Variants in TRPM3 observed in about 807,000 individuals in gnomAD.
TRPM3 encodes long transient receptor potential channel 3.
Under a neutral mutation model 181.2 loss-of-function variants are expected in TRPM3, and 77 were observed. The ratio of observed to expected loss-of-function variants is 0.42; its 90% CI spans 0.35 to 0.51. The LOEUF (loss-of-function observed/expected upper bound fraction) is 0.51, where lower values mean the gene tolerates loss of function less well. TRPM3 is among the 20% of genes least tolerant of loss of function. The pLI, the probability that TRPM3 is intolerant of heterozygous loss-of-function variation, is 0.01. For synonymous variants in TRPM3, 745 were observed against 796.4 expected, an observed-to-expected ratio of 0.94 and a Z score of 1.09; for missense variants, 1,759 against 2,196.7, an observed-to-expected ratio of 0.80 and a Z score of 3.98.
At chr9:70,791,787 A>G (rs1350887545) in intron 6 of TRPM3, among the ~76,000 whole-genome samples, 1 of 152,210 alleles carries the variant, frequency 6.6e-6, no homozygotes, top group Non-Finnish European at 1.5e-5. Context: ...CTGAGAATGC[A>G]GAATATATTA....
At chr9:71,348,581 A>AT (rs972796328) in intron 1 of TRPM3, among the ~76,000 whole-genome samples, 2 of 145,902 alleles carry the variant, frequency 1.4e-5, no homozygotes, top group African/African-American at 5.1e-5. Context: ...TTTATTTTTT[A>AT]TTTTTTGAGA....
chr9:70,861,508 C>T (rs1241740034), intron 3 of TRPM3, among the ~76,000 whole-genome samples: 2 of 152,174 alleles, frequency 1.3e-5, no homozygotes, highest in African/African-American at 2.4e-5. Context: ...CTGGGTGTAC[C>T]ACTCTACAAT....
chr9:71,113,988 A>G (rs2071718493), intron 1 of TRPM3, among the ~76,000 whole-genome samples: 1 of 152,184 alleles, frequency 6.6e-6, no homozygotes. Context: ...TCTATCATAG[A>G]TAGTCTTGGA....
intron 9 of TRPM3, among the ~76,000 whole-genome samples, chr9:70,656,718 G>T (rs1271164554): frequency 6.6e-6 from 1 of 152,068 alleles, no homozygotes. Context: ...ATCTAAAGTT[G>T]TATTAAATTA....
intron 1 of TRPM3, among the ~76,000 whole-genome samples, chr9:71,347,698 C>A (rs976967676): frequency 3.3e-5 from 5 of 151,876 alleles, no homozygotes; most frequent in Admixed American, 1.3e-4. Context: ...TCGCTTGAGG[C>A]CAGGTGTTTG....
intron 25 of TRPM3, 97 bp downstream of exon 25, chr9:70,549,444 CA>C: frequency 7.0e-7 from 1 of 1,424,300 alleles, no homozygotes. Flanking sequence ...AAAACAAACA[CA>C]AAAGATCTCT....
At chr9:71,319,179 G>T (rs2088950087) in intron 1 of TRPM3, among the ~76,000 whole-genome samples, 1 of 152,096 alleles carries the variant, frequency 6.6e-6, no homozygotes, top group African/African-American at 2.4e-5. Flanking sequence ...CTTTGTAAGT[G>T]TATTAGTCAG....
chr9:70,740,846 G>A (rs529478485), intron 8 of TRPM3, among the ~76,000 whole-genome samples: 1 of 152,240 alleles, frequency 6.6e-6, no homozygotes, highest in Admixed American at 6.5e-5. Flanking sequence ...TCTCAGACCT[G>A]AAACCACAAC....
intron 1 of TRPM3, among the ~76,000 whole-genome samples, chr9:70,918,126 A>G (rs2096619947): frequency 6.6e-6 from 1 of 152,218 alleles, no homozygotes; most frequent in Non-Finnish European, 1.5e-5. Context: ...AGATATATAA[A>G]GCAATGATTA....
chr9:70,897,542 T>C (rs2096296041), intron 1 of TRPM3, among the ~76,000 whole-genome samples: 1 of 152,116 alleles, frequency 6.6e-6, no homozygotes, highest in African/African-American at 2.4e-5. Flanking sequence ...GAGGTTCTTT[T>C]ATTACATCAA....
At chr9:70,645,319 C>T (rs1197215374) in intron 9 of TRPM3, among the ~76,000 whole-genome samples, 1 of 152,134 alleles carries the variant, frequency 6.6e-6, no homozygotes, top group Admixed American at 6.5e-5. Context: ...TACTACAAGG[C>T]TACAGTAACC....
chr9:71,183,171 C>A (rs1022327030), intron 1 of TRPM3, among the ~76,000 whole-genome samples: 10 of 149,860 alleles, frequency 6.7e-5, no homozygotes, highest in East Asian at 3.9e-4. Flanking sequence ...GACTTAATAT[C>A]AAAAAAAAAT....
At chr9:71,137,957 T>C (rs2074867378) in intron 1 of TRPM3, among the ~76,000 whole-genome samples, 1 of 151,726 alleles carries the variant, frequency 6.6e-6, no homozygotes, top group African/African-American at 2.4e-5. Flanking sequence ...TCTCTAAAAA[T>C]GCAAAAATTA....
intron 1 of TRPM3, among the ~76,000 whole-genome samples, chr9:70,865,096 T>C (rs1449423691): frequency 6.6e-6 from 1 of 151,746 alleles, no homozygotes; most frequent in African/African-American, 2.4e-5. Context: ...GCTTTTATCA[T>C]AGTCCAAAAT....
intron 1 of TRPM3, among the ~76,000 whole-genome samples, chr9:71,332,296 CT>C (rs1023699671): frequency 6.6e-6 from 1 of 150,954 alleles, no homozygotes; most frequent in African/African-American, 2.4e-5. Flanking sequence ...AGAAATAATG[CT>C]TTTTTTGGAT....
chr9:70,540,473 C>A (rs1470890502), intron 25 of TRPM3, among the ~76,000 whole-genome samples: 1 of 152,166 alleles, frequency 6.6e-6, no homozygotes, highest in African/African-American at 2.4e-5. Flanking sequence ...TGACCTTCAG[C>A]CCCAGGATCC....
At chr9:71,271,585 G>A (rs1208391308) in intron 1 of TRPM3, among the ~76,000 whole-genome samples, 2 of 151,792 alleles carry the variant, frequency 1.3e-5, no homozygotes, top group East Asian at 3.9e-4. Flanking sequence ...GCAGAAGAGG[G>A]GAGTAAGGGG....
At chr9:71,193,092 A>C (rs1268740659) in intron 1 of TRPM3, among the ~76,000 whole-genome samples, 1 of 151,902 alleles carries the variant, frequency 6.6e-6, no homozygotes, top group Non-Finnish European at 1.5e-5. Context: ...ATGACACTGG[A>C]AGCATCTCCC....
At chr9:70,978,538 T>C (rs55660446) in intron 1 of TRPM3, among the ~76,000 whole-genome samples, 4,851 of 152,298 alleles carry the variant, frequency 0.032, 268 homozygotes, top group African/African-American at 0.11. Flanking sequence ...ACAACAGAGA[T>C]GCTTTTAGTG....
Sources: gnomAD v4.1 joint callset for allele counts (sites outside exome capture counted in the v4.1 genomes callset) on GRCh38, gnomAD v4.1.1 for gene constraint, MANE v1.5 for transcripts, NCBI Gene and HGNC (gene_info 2026-07-23, HGNC 2026-07-21) for gene names.